Variants in SMC1B observed in about 807,000 individuals in gnomAD.
The protein encoded by SMC1B is structural maintenance of chromosomes 1B, also known as structural maintenance of chromosomes protein 1B.
In SMC1B, 60 loss-of-function variants were observed where a neutral mutation model predicts 157.9. That is an observed-to-expected ratio of 0.38 (90% confidence interval 0.31 to 0.47). The LOEUF (loss-of-function observed/expected upper bound fraction) is 0.47. SMC1B is among the 20% of genes least tolerant of loss of function. The pLI is 0.99. For missense variants in SMC1B, 1,165 were observed against 1,426.2 expected, an observed-to-expected ratio of 0.82 and a Z score of 2.95; for synonymous variants, 445 against 483.0, an observed-to-expected ratio of 0.92 and a Z score of 1.03.
intron 11 of SMC1B, among the ~76,000 whole-genome samples, chr22:45,384,029 G>A (rs1359054825): frequency 6.6e-6 from 1 of 152,142 alleles, no homozygotes; most frequent in Non-Finnish European, 1.5e-5. Context: ...CCACAGCAGT[G>A]AACAGAAGAA....
intron 15 of SMC1B, among the ~76,000 whole-genome samples, chr22:45,368,525 T>C (rs1279777384): frequency 6.6e-6 from 1 of 151,736 alleles, no homozygotes; most frequent in Non-Finnish European, 1.5e-5. Context: ...TAGTTTTTTT[T>C]TTTTTTTTCT....
At chr22:45,387,327 G>A (rs759434960) in intron 10 of SMC1B, among the ~76,000 whole-genome samples, 12 of 152,122 alleles carry the variant, frequency 7.9e-5, no homozygotes, top group Non-Finnish European at 1.3e-4. Context: ...GCACATGCCT[G>A]TAATCCCAGC....
chr22:45,345,600 G>C (rs760243039), intron 23 of SMC1B, 31 bp from the exon 24 acceptor site: 9 of 1,344,512 alleles, frequency 6.7e-6, no homozygotes, highest in Non-Finnish European at 9.6e-6. Context: ...CATTTCACTA[G>C]GAAGGAAAGG....
chr22:45,349,815 T>A lies in SMC1B; in HGVS notation c.3426-18A>T. On this transcript the variant is annotated intron_variant, in intron 22 of 24. Transcript: ENST00000357450. Reference sequence around the variant, plus strand: ...GACGAAAACTAGAAAAAAATTACAATCAAGTAAGTTACAATTTTCTATTTG... The same window carrying A: ...GACGAAAACTAGAAAAAAATTACAAACAAGTAAGTTACAATTTTCTATTTG... 1 of 1,577,974 alleles carries A rather than the reference T, an allele frequency of 6.3e-7. No homozygotes were observed. Among genetic ancestry groups the A allele is most frequent in the Non-Finnish European group, 8.7e-7 (1 of 1,155,342 alleles).
intron 23 of SMC1B, among the ~76,000 whole-genome samples, chr22:45,348,649 C>T (rs1985430707): frequency 6.6e-6 from 1 of 151,924 alleles, no homozygotes; most frequent in Admixed American, 6.6e-5. Flanking sequence ...GGAAGGTCCT[C>T]TAAGCCTTGA....
chr22:45,412,638 T>C (rs897128476), intron 1 of SMC1B, among the ~76,000 whole-genome samples: 1 of 151,180 alleles, frequency 6.6e-6, no homozygotes, highest in East Asian at 2.0e-4. Flanking sequence ...TCCAGAGTAG[T>C]TGGGATTACA....
intron 23 of SMC1B, among the ~76,000 whole-genome samples, chr22:45,346,635 AAG>A (rs1298536703): frequency 6.6e-6 from 1 of 152,232 alleles, no homozygotes; most frequent in Non-Finnish European, 1.5e-5. Context: ...AAACTGCTCT[AAG>A]AGGCTGAATT....
Position 45,408,791 on chromosome 22 carries a change from G to GT in SMC1B, c.216dup (p.Pro73ThrfsTer36). 6.3e-7 allele frequency: 1 copy of GT among 1,588,204 alleles called. No homozygotes were observed. Among genetic ancestry groups the GT allele is most frequent in the Non-Finnish European group, 8.5e-7 (1 of 1,170,766 alleles). ...TTTACACTTGCAGAAGAAGAAATAG[G>GT]TTTTCCAATATGTGCTCCATGAATG... On this transcript the variant is annotated frameshift_variant, in exon 2 of 25. Transcript: ENST00000357450. LOFTEE classifies it high-confidence loss of function.
chr22:45,361,383 C>T (rs1185507449), intron 17 of SMC1B, among the ~76,000 whole-genome samples: 9 of 152,116 alleles, frequency 5.9e-5, no homozygotes, highest in African/African-American at 1.9e-4. Flanking sequence ...GAGGCTGAGT[C>T]GAGCAGATCA....
chr22:45,348,875 T>A (rs974688807), intron 23 of SMC1B, among the ~76,000 whole-genome samples: 18 of 152,074 alleles, frequency 1.2e-4, no homozygotes, highest in East Asian at 5.8e-4. Context: ...ATTATTTTTT[T>A]AAATTTTTTG....
chr22:45,369,222 G>A (rs1313451088), intron 15 of SMC1B, among the ~76,000 whole-genome samples: 3 of 151,886 alleles, frequency 2.0e-5, no homozygotes, highest in Admixed American at 6.6e-5. Flanking sequence ...TCAGCCTTCC[G>A]AGTAGCTGGG....
At chr22:45,350,439 A>G (rs1277050230) in intron 22 of SMC1B, among the ~76,000 whole-genome samples, 9 of 152,362 alleles carry the variant, frequency 5.9e-5, no homozygotes, top group Non-Finnish European at 1.2e-4. Context: ...CACTATGCCC[A>G]GCTAATTTTT....
intron 12 of SMC1B, among the ~76,000 whole-genome samples, chr22:45,381,791 T>C (rs75535190): frequency 0.11 from 17,233 of 152,248 alleles, 1,362 homozygotes; most frequent in Non-Finnish European, 0.17. Flanking sequence ...AAAAGCTGAA[T>C]ATTCCTATAC....
chr22:45,372,114 T>C lies in SMC1B; in HGVS notation c.2196+41A>G, dbSNP rs756171468. On this transcript the variant is annotated intron_variant, in intron 13 of 24. Transcript: ENST00000357450. ...ATGTAATTCCTGAAATTCTATGTTC[T>C]GGGTCAAATGCCTATCATATTTTAT... The C allele has an allele frequency of 4.6e-6, 7 of 1,522,394 alleles. 1 individual carries two copies. The South Asian group carries it at 8.7e-5, about 19-fold the overall frequency. The allele number at this position is 1,522,394 out of a possible 1,614,324, so 94.3% of individuals were successfully genotyped here. A position where few individuals can be genotyped will look rare whatever the true frequency, so the allele number is the denominator to read the frequency against.
At chr22:45,403,964 CAG>C (rs1486482709) in intron 4 of SMC1B, among the ~76,000 whole-genome samples, 1 of 151,966 alleles carries the variant, frequency 6.6e-6, no homozygotes, top group African/African-American at 2.4e-5. Context: ...TGTTTTGAGA[CAG>C]AGTCTCACTC....
rs371395508 is a variant in SMC1B at position 45,372,279 on chromosome 22, G to A, written c.2072C>T (p.Thr691Ile). ...TTTCAAATCTGTTTCTTTGCGGAGT[G>A]TCTTCATTAAACCCTAAAAGGAAAG... ...KIQELKGLMKTLRKETDLKQI... is the reference protein window; with the variant it reads ...KIQELKGLMKILRKETDLKQI... Residue 691 changes from threonine (T) to isoleucine (I), a missense_variant, in exon 13 of 25, where the codon ACA (threonine) becomes ATA (isoleucine). Physicochemically the swap from Thr to Ile is moderately conservative, Grantham distance 89. Coordinates refer to ENST00000357450, the MANE Select transcript of SMC1B (RefSeq NM_148674.5). 1.9e-6 allele frequency: 3 copies of A among 1,597,584 alleles called. No homozygotes were observed. In the African/African-American group the frequency reaches 4.1e-5, roughly 22 times the overall value.
rs55793277 is a variant in SMC1B at position 45,361,410 on chromosome 22, C to T, written c.2708+429G>A. Among the ~76,000 whole-genome samples, 1,042 of 152,176 alleles carry T rather than the reference C, an allele frequency of 6.8e-3. 3 individuals are homozygous for T. Among genetic ancestry groups the T allele is most frequent in the Non-Finnish European group, 9.5e-3 (644 of 68,000 alleles). ...AGCAGATCACTTAAGGTTAGGAGTT[C>T]GAGACCAACCTGGCCAACATGGTAA... On this transcript the variant is annotated intron_variant, in intron 17 of 24. Transcript: ENST00000357450.
chr22:45,406,326 T>C lies in SMC1B; in HGVS notation c.615+134A>G, dbSNP rs528082400. On this transcript the variant is annotated intron_variant, in intron 4 of 24. Transcript: ENST00000357450. ...GGGAAATACATCAAAAAGTTTATCT[T>C]AATGAATATTGGGCTTTAATTGTCT... The C allele has an allele frequency of 4.4e-6, 3 of 686,736 alleles. No homozygotes were observed. The South Asian group carries it at 7.3e-5, about 17-fold the overall frequency. The allele number at this position is 686,736 out of a possible 1,614,324, so 42.5% of individuals were successfully genotyped here.
At chr22:45,407,678 A>C (rs1321772439) in intron 2 of SMC1B, among the ~76,000 whole-genome samples, 4 of 152,124 alleles carry the variant, frequency 2.6e-5, no homozygotes, top group Non-Finnish European at 5.9e-5. Context: ...CAAACTCCCG[A>C]GTTCAAGCAA....
Sources: gnomAD v4.1 joint callset for allele counts (sites outside exome capture counted in the v4.1 genomes callset) on GRCh38, gnomAD v4.1.1 for gene constraint, MANE v1.5 for transcripts, NCBI Gene and HGNC (gene_info 2026-07-23, HGNC 2026-07-21) for gene names.